TRERF1: variants seen among roughly 807,000 people sequenced by gnomAD.
The protein encoded by TRERF1 is transcriptional-regulating factor 1.
Under a neutral mutation model 122.9 loss-of-function variants are expected in TRERF1, and 27 were observed. The ratio of observed to expected loss-of-function variants is 0.22; its 90% CI spans 0.16 to 0.30. TRERF1 has a LOEUF of 0.30. TRERF1 is among the 10% of genes least tolerant of loss of function. TRERF1 has a pLI of 1.00. For synonymous variants in TRERF1, 636 were observed against 641.7 expected, an observed-to-expected ratio of 0.99 and a Z score of 0.13; for missense variants, 1,248 against 1,560.3, an observed-to-expected ratio of 0.80 and a Z score of 3.37.
chr6:42,436,991 G>A (rs1295787951), intron 2 of TRERF1, among the ~76,000 whole-genome samples: 3 of 151,968 alleles, frequency 2.0e-5, no homozygotes, highest in Non-Finnish European at 4.4e-5. Flanking sequence ...AGGAAAGGCT[G>A]ATGAGCCTGA....
chr6:42,233,743 A>G (rs1214628173), intron 16 of TRERF1, among the ~76,000 whole-genome samples: 1 of 152,210 alleles, frequency 6.6e-6, no homozygotes, highest in East Asian at 1.9e-4. Flanking sequence ...GAATGGAGAC[A>G]GTGCCCCAGA....
chr6:42,310,021 C>A (rs886211680), intron 3 of TRERF1, among the ~76,000 whole-genome samples: 1 of 152,146 alleles, frequency 6.6e-6, no homozygotes, highest in Non-Finnish European at 1.5e-5. Flanking sequence ...GTCTTGCCTC[C>A]CAAAGTGCTG....
At chr6:42,262,016 T>C (rs890257941) in intron 8 of TRERF1, among the ~76,000 whole-genome samples, 3 of 152,048 alleles carry the variant, frequency 2.0e-5, no homozygotes, top group African/African-American at 4.8e-5. Flanking sequence ...CTGACCCCCA[T>C]GTGACTATGA....
In TRERF1 at chr6:42,372,282, C is replaced by T. The variant is rs142193492; in HGVS notation, c.-453-9203G>A. ...TTCATTTGCCTTAAAGAAAGTCCTCCCTGTTGGCTTTTGTTGAGCTCTTAC... is the reference window on the plus strand; with the variant it reads ...TTCATTTGCCTTAAAGAAAGTCCTCTCTGTTGGCTTTTGTTGAGCTCTTAC... On this transcript the variant is annotated intron_variant, in intron 2 of 17. Transcript: ENST00000372922. 2.0e-4 allele frequency among the ~76,000 whole-genome samples: 30 copies of T among 152,316 alleles called. No homozygotes were observed. In the East Asian group the frequency reaches 5.4e-3, roughly 27 times the overall value.
intron 3 of TRERF1, among the ~76,000 whole-genome samples, chr6:42,339,983 T>A (rs1185409316): frequency 1.3e-5 from 2 of 152,184 alleles, no homozygotes; most frequent in African/African-American, 4.8e-5. Context: ...CTTGACCTCT[T>A]TTAGGGTATG....
chr6:42,280,527 G>A (rs990034779), intron 4 of TRERF1, among the ~76,000 whole-genome samples: 1 of 152,210 alleles, frequency 6.6e-6, no homozygotes, highest in Non-Finnish European at 1.5e-5. Context: ...ACTGACCCAG[G>A]GCAGCCAGGA....
At chr6:42,330,294 G>A (rs79418255) in intron 3 of TRERF1, among the ~76,000 whole-genome samples, 4,630 of 152,264 alleles carry the variant, frequency 0.03, 241 homozygotes, top group African/African-American at 0.11. Flanking sequence ...CTGCAGTGTT[G>A]GCAAGAATGT....
At position 42,268,416 on chromosome 6, in the gene TRERF1, T is replaced by C. The variant is rs749540968; in HGVS notation, c.1175A>G (p.Gln392Arg). 1.9e-6 allele frequency: 3 copies of C among 1,556,536 alleles called. No individual in the cohort carries two copies. The highest frequency in any genetic ancestry group is 2.6e-6 in the Non-Finnish European group (3 of 1,151,886). The change falls in exon 5 of 18, where the codon CAG (glutamine) becomes CGG (arginine). Residue 392 changes from glutamine (Q) to arginine (R), a missense_variant. Physicochemically the swap from Gln to Arg is conservative, Grantham distance 43. This residue lies in a region of TRERF1 where 946 missense variants were observed against 1,073.0 expected (regional missense o/e 0.88). Transcript: ENST00000372922. The surrounding 1 kb of genome is among the most constrained non-coding windows in gnomAD (Gnocchi z 4.4). ...CTGGTGCTGGGACAGGTGGCTCTGC[T>C]GGTAGAGGGGGTGGCTGTAGGGCTG...
At chr6:42,430,811 G>T (rs186397878) in intron 2 of TRERF1, among the ~76,000 whole-genome samples, 1 of 151,778 alleles carries the variant, frequency 6.6e-6, no homozygotes, top group South Asian at 2.1e-4. Flanking sequence ...CAGGGGAATC[G>T]CTCGAACCCA....
chr6:42,445,653 C>A (rs1388912543), intron 2 of TRERF1, among the ~76,000 whole-genome samples: 1 of 152,060 alleles, frequency 6.6e-6, no homozygotes, highest in Non-Finnish European at 1.5e-5. Context: ...GGAAACAGCA[C>A]CACCATCTAC....
At chr6:42,314,592 T>C (rs1225134529) in intron 3 of TRERF1, among the ~76,000 whole-genome samples, 2 of 152,034 alleles carry the variant, frequency 1.3e-5, no homozygotes, top group Non-Finnish European at 2.9e-5. Context: ...AAACAGAAAA[T>C]AAAAATTATT....
chr6:42,255,622 C>T (rs1330622262), intron 12 of TRERF1, among the ~76,000 whole-genome samples: 5 of 152,170 alleles, frequency 3.3e-5, no homozygotes, highest in Non-Finnish European at 7.3e-5. Context: ...GTGATGTGCA[C>T]GCACATTGAA....
chr6:42,381,131 C>T (rs1298440785), intron 2 of TRERF1, among the ~76,000 whole-genome samples: 1 of 152,198 alleles, frequency 6.6e-6, no homozygotes, highest in Admixed American at 6.5e-5. Context: ...TCCTTCTATG[C>T]CTTTCCCCTC....
At chr6:42,272,758 G>T (rs1780457512) in intron 4 of TRERF1, among the ~76,000 whole-genome samples, 2 of 152,110 alleles carry the variant, frequency 1.3e-5, no homozygotes, top group South Asian at 4.1e-4. Context: ...GCCCACTGGG[G>T]CTTATGACCC....
At chr6:42,432,957 T>TG (rs1784710065) in intron 2 of TRERF1, among the ~76,000 whole-genome samples, 1 of 152,090 alleles carries the variant, frequency 6.6e-6, no homozygotes, top group South Asian at 2.1e-4. Flanking sequence ...TCAGGTATTA[T>TG]GGGGCAGTGA....
intron 2 of TRERF1, among the ~76,000 whole-genome samples, chr6:42,370,111 G>C (rs192128447): frequency 1.2e-4 from 18 of 152,170 alleles, no homozygotes; most frequent in African/African-American, 4.3e-4. Flanking sequence ...AGAATTAGGG[G>C]GTAAAGGATG....
chr6:42,325,874 G>A (rs1256527456), intron 3 of TRERF1, among the ~76,000 whole-genome samples: 2 of 152,264 alleles, frequency 1.3e-5, no homozygotes, highest in African/African-American at 2.4e-5. Context: ...ATGAAATCAC[G>A]TCCTTCACAG....
Position 42,271,571 on chromosome 6 carries a change from A to T in TRERF1, c.-258-1723T>A, listed in dbSNP as rs542019403. ...AAGGTGTATATGTCGTATGTCAATT[A>T]AAAAAAGTTTATTTTAAAAAGTCAC... On this transcript the variant is annotated intron_variant, in intron 4 of 17. Transcript: ENST00000372922. Among the ~76,000 whole-genome samples the T allele has an allele frequency of 1.7e-3, 252 of 152,244 alleles. 1 individual carries two copies. Among genetic ancestry groups the T allele is most frequent in the African/African-American group, 5.4e-3 (226 of 41,542 alleles).
intron 13 of TRERF1, among the ~76,000 whole-genome samples, chr6:42,252,470 C>G (rs1011186984): frequency 6.6e-6 from 1 of 152,178 alleles, no homozygotes; most frequent in African/African-American, 2.4e-5. Context: ...GGGGCTGGGA[C>G]TCAGGATGGT....
Sources: allele counts gnomAD v4.1 joint callset (sites outside exome capture counted in the v4.1 genomes callset), GRCh38; gene constraint gnomAD v4.1.1; regional missense constraint gnomAD v4.1.1; non-coding constraint Gnocchi (gnomAD v3.1); transcripts MANE v1.5; gene names NCBI Gene and HGNC (gene_info 2026-07-23, HGNC 2026-07-21).